The following MYB variants were observed in gnomAD, a reference collection of about 807,000 sequenced individuals.
MYB encodes MYB proto-oncogene, transcription factor, also known as transcriptional activator Myb.
MYB carries 28 observed loss-of-function variants against 92.9 expected under a neutral mutation model. The ratio of observed to expected loss-of-function variants is 0.30; its 90% confidence interval spans 0.22 to 0.41. The LOEUF (loss-of-function observed/expected upper bound fraction) is 0.41, where lower values mean the gene tolerates loss of function less well. Ranked by LOEUF, MYB falls within the 10% of genes least tolerant of loss-of-function variation. The pLI, the probability that MYB is intolerant of heterozygous loss-of-function variation, is 1.00. For synonymous variants in MYB, 295 were observed against 329.1 expected (o/e 0.90, Z 1.12); for missense variants, 679 against 929.3 (o/e 0.73, Z 3.50).
chr6:135,205,191 C>T (rs553549639), intron 15 of MYB, among the ~76,000 whole-genome samples: 4 of 151,510 alleles, frequency 2.6e-5, no homozygotes, highest in Admixed American at 1.3e-4. Flanking sequence ...TCAAAATTTT[C>T]CTGAAAGCTG....
Position 135,190,287 on chromosome 6 carries a change from A to C in MYB, c.467A>C (p.Tyr156Ser). 1 of 1,614,218 alleles carries C rather than the reference A, an allele frequency of 6.2e-7. No individual in the cohort carries two copies. The highest frequency in any genetic ancestry group is 8.5e-7 in the Non-Finnish European group (1 of 1,180,008). The stretch of plus-strand genomic sequence containing the variant: ...ACAGAAGAGGAAGACAGAATTATTT[A>C]CCAGGCACACAAGAGACTGGGGAAC... ...SWTEEEDRII[Y>S]QAHKRLGNRW... The change falls in exon 5 of 16, where the codon TAC (tyrosine) becomes TCC (serine). Residue 156 changes from tyrosine to serine, a missense_variant. Tyr to Ser is a moderately radical substitution (Grantham distance 144). Around this residue, in one of 8 missense-constraint regions of MYB, gnomAD observed 37 missense variants for 98.0 expected, o/e 0.38. Transcript: ENST00000341911. The surrounding 1 kb of genome is among the most constrained non-coding windows in gnomAD (Gnocchi z 4.5).
chr6:135,193,697 G>T, intron 6 of MYB, 141 bp from the exon 7 acceptor site: 1 of 526,986 alleles, frequency 1.9e-6, no homozygotes, highest in Non-Finnish European at 3.4e-6. Context: ...ACATTAAAAG[G>T]TTTTAAAAAT....
chr6:135,200,929 A>T (rs1777990623), intron 13 of MYB, among the ~76,000 whole-genome samples: 1 of 152,064 alleles, frequency 6.6e-6, no homozygotes, highest in African/African-American at 2.4e-5. Flanking sequence ...ATACAAAAAA[A>T]TTAGCTGGGT....
At chr6:135,203,933 C>A (rs1288659514) in intron 15 of MYB, 2 of 1,103,508 alleles carry the variant, frequency 1.8e-6, no homozygotes, top group African/African-American at 3.4e-5. Flanking sequence ...TAACCAATTC[C>A]AAATTAATCC....
At chr6:135,207,836 G>C (rs2128313342) in intron 15 of MYB, among the ~76,000 whole-genome samples, 1 of 149,852 alleles carries the variant, frequency 6.7e-6, no homozygotes, top group South Asian at 2.1e-4. Flanking sequence ...CCAGGTTCAA[G>C]CAATTCTCCT....
At chr6:135,185,624 A>G (rs1333508687) in intron 1 of MYB, among the ~76,000 whole-genome samples, 2 of 152,222 alleles carry the variant, frequency 1.3e-5, no homozygotes, top group East Asian at 3.8e-4. Flanking sequence ...CCAAATGTGT[A>G]ACTTGTCCCT....
Position 135,181,584 on chromosome 6 carries a change from G to A in MYB, c.23+48G>A, listed in dbSNP as rs1775040190. ...GCCGAGGGCGGGGGCGCGCGGGGGC[G>A]CGCGGGGCGCCAGGCTCCCGGGAGC... On this transcript the variant is annotated intron_variant, in intron 1 of 15. Coordinates refer to ENST00000341911, the MANE Select transcript of MYB (RefSeq NM_001130173.2). This position sits in a 1 kb window ranked among gnomAD's most constrained non-coding sequence, Gnocchi z 5.3. 2 of 1,124,458 alleles carry A rather than the reference G, an allele frequency of 1.8e-6. No individual in the cohort carries two copies. Among genetic ancestry groups the A allele is most frequent in the African/African-American group, 3.3e-5 (2 of 60,964 alleles). 69.7% of individuals were successfully genotyped at this position (1,124,458 alleles called of 1,614,324 possible). A position where few individuals can be genotyped will look rare whatever the true frequency, so the allele number is the denominator to read the frequency against.
chr6:135,212,626 G>A (rs1240767100), intron 15 of MYB, among the ~76,000 whole-genome samples: 3 of 152,134 alleles, frequency 2.0e-5, no homozygotes, highest in South Asian at 2.1e-4. Context: ...ATGACTCCCC[G>A]GCCACAGGAG....
intron 15 of MYB, 54 bp downstream of exon 15, chr6:135,203,378 A>G (rs9385719): frequency 0.41 from 568,917 of 1,402,986 alleles, 118,337 homozygotes; most frequent in African/African-American, 0.58. Flanking sequence ...AAAAACTGTC[A>G]TCTTTGGTGG....
intron 11 of MYB, 134 bp downstream of exon 11, chr6:135,199,184 T>A: frequency 1.4e-6 from 1 of 710,754 alleles, no homozygotes; most frequent in Non-Finnish European, 2.2e-6. Context: ...TCATGTCTAT[T>A]CCCACATTGA....
intron 10 of MYB, among the ~76,000 whole-genome samples, chr6:135,198,039 G>T (rs1472120402): frequency 6.6e-6 from 1 of 152,014 alleles, no homozygotes; most frequent in Admixed American, 6.6e-5. Context: ...AGATAATTTG[G>T]CACTTTAAAA....
chr6:135,204,633 G>A (rs1778619550), intron 15 of MYB, among the ~76,000 whole-genome samples: 2 of 152,306 alleles, frequency 1.3e-5, no homozygotes, highest in South Asian at 2.1e-4. Context: ...AATAAGGATT[G>A]CAAGCACATT....
rs201764324 is a variant in MYB at position 135,200,433 on chromosome 6, T to C, written c.1950+18T>C. 2 of 1,613,830 alleles carry C rather than the reference T, an allele frequency of 1.2e-6. No homozygotes were observed. Among genetic ancestry groups the C allele is most frequent in the Non-Finnish European group, 1.7e-6 (2 of 1,179,988 alleles). On this transcript the variant is annotated intron_variant, in intron 13 of 15. Coordinates refer to ENST00000341911, the MANE Select transcript of MYB (RefSeq NM_001130173.2). ...AACAAGAGGTAAACACGCAACCCTT[T>C]GGAAGCAACAAGCTGAGAATCCTGC... is the stretch of plus-strand genomic sequence containing the variant.
In MYB at chr6:135,189,903, G is replaced by A; in HGVS notation, c.306+20G>A. On this transcript the variant is annotated intron_variant, in intron 4 of 15. Coordinates refer to ENST00000341911, the MANE Select transcript of MYB (RefSeq NM_001130173.2). ...CAGAGAGTAAGTTCTTTCTTCATTG[G>A]TGTGTGACTCATAATTAAGAATATT... 6.3e-7 allele frequency: 1 copy of A among 1,587,596 alleles called. No individual in the cohort carries two copies. Among genetic ancestry groups the A allele is most frequent in the Non-Finnish European group, 8.6e-7 (1 of 1,159,920 alleles).
At position 135,206,205 on chromosome 6, in the gene MYB, CAAA is replaced by C. The variant is rs67836018; in HGVS notation, c.2169+2901_2169+2903del. On this transcript the variant is annotated intron_variant, in intron 15 of 15. Transcript: ENST00000341911. ...TGGGTGACTGAGCGAGACTCCATCT[CAAA>C]AAAAAAAAAAAAAAAAAAATAATAA... is the stretch of plus-strand genomic sequence containing the variant. Among the ~76,000 whole-genome samples the C allele has an allele frequency of 7.9e-3, 689 of 87,314 alleles. 9 individuals are homozygous for C. Among genetic ancestry groups the C allele is most frequent in the African/African-American group, 0.029 (656 of 22,782 alleles). The allele number at this position is 87,314 out of a possible 152,430, so 57.3% of individuals were successfully genotyped here.
In MYB at chr6:135,184,322, C is replaced by CTT; in HGVS notation, c.24-1559_24-1558dup. Among the ~76,000 whole-genome samples the CTT allele has an allele frequency of 2.7e-3, 182 of 68,388 alleles. 2 individuals carry two copies. Among genetic ancestry groups the CTT allele is most frequent in the Middle Eastern group, 0.01 (1 of 98 alleles). 44.9% of individuals were successfully genotyped at this position (68,388 alleles called of 152,430 possible). A position where few individuals can be genotyped will look rare whatever the true frequency, so the allele number is the denominator to read the frequency against. ...AGACTTACACCTCTGGGCTTTATAGCTTTTTTTTTTTTTTTTTTTTTTTGC... is the reference window on the plus strand; with the variant it reads ...AGACTTACACCTCTGGGCTTTATAGCTTTTTTTTTTTTTTTTTTTTTTTTTGC... On this transcript the variant is annotated intron_variant, in intron 1 of 15. Transcript: ENST00000341911.
At position 135,185,566 on chromosome 6, in the gene MYB, T is replaced by C. The variant is rs79019330; in HGVS notation, c.24-337T>C. ...ACATGGGTTCTTGTTCCTTTTCTTA[T>C]CCTTAACCTTAAGTTTTCAACTTAA... On this transcript the variant is annotated intron_variant, in intron 1 of 15. Transcript: ENST00000341911. 9.7e-3 allele frequency among the ~76,000 whole-genome samples: 1,472 copies of C among 152,340 alleles called. 21 individuals are homozygous for C. The highest frequency in any genetic ancestry group is 0.034 in the African/African-American group (1,412 of 41,572).
chr6:135,203,511 G>A lies in MYB; in HGVS notation c.2169+187G>A, dbSNP rs1479684860. The A allele has an allele frequency of 6.1e-6, 4 of 658,942 alleles. No homozygotes were observed. In the East Asian group the frequency reaches 1.1e-4, roughly 18 times the overall value. The allele number at this position is 658,942 out of a possible 1,614,324, so 40.8% of individuals were successfully genotyped here. On this transcript the variant is annotated intron_variant, in intron 15 of 15. Coordinates refer to ENST00000341911, the MANE Select transcript of MYB (RefSeq NM_001130173.2). ...TAGAAAAATCCAATAATTCCTTTTT[G>A]CTACTCATATGAGACATGCTAGAAA...
At chr6:135,195,280 T>C (rs545472804) in intron 8 of MYB, 7 of 328,700 alleles carry the variant, frequency 2.1e-5, no homozygotes, top group Middle Eastern at 1.1e-3. Context: ...ACTGCATCAG[T>C]GCAATCTGTA....
Sources: allele counts gnomAD v4.1 joint callset (sites outside exome capture counted in the v4.1 genomes callset), GRCh38; gene constraint gnomAD v4.1.1; regional missense constraint gnomAD v4.1.1; non-coding constraint Gnocchi (gnomAD v3.1); transcripts MANE v1.5; gene names NCBI Gene and HGNC (gene_info 2026-07-23, HGNC 2026-07-21).